The following TF variants were observed in gnomAD, a reference collection of about 807,000 sequenced individuals.
The protein encoded by TF is transferrin.
A neutral mutation model predicts 82.4 loss-of-function variants in TF; 55 were observed. The ratio of observed to expected loss-of-function variants is 0.67; its 90% confidence interval spans 0.54 to 0.84. The LOEUF is 0.84. Among genes scored for constraint, TF ranks in the 40% least tolerant of loss-of-function variants. The probability of loss-of-function intolerance (pLI) is 0.00; values close to 1 mark genes in which losing one functional copy is unlikely to be tolerated. For synonymous variants in TF, 332 were observed against 332.6 expected (o/e 1.00, Z 0.02); for missense variants, 737 against 868.4 (o/e 0.85, Z 1.90).
Position 133,766,376 on chromosome 3 carries a change from G to C in TF, c.1429G>C (p.Ala477Pro), listed in dbSNP as rs121918679. 2 of 1,614,224 alleles carry C rather than the reference G, an allele frequency of 1.2e-6. No homozygotes were observed. The change falls in exon 12 of 17, where the codon GCT becomes CCT. Residue 477 changes from alanine to proline, a missense_variant. By Grantham distance (27) the Ala-to-Pro change is conservative. Coordinates refer to ENST00000402696, the MANE Select transcript of TF (RefSeq NM_001063.4). The stretch of plus-strand genomic sequence containing the variant: ...CTGCCATACGGCAGTTGGCAGAACC[G>C]CTGGCTGGAACATCCCCATGGGCCT... ...KSCHTAVGRT[A>P]GWNIPMGLLY...
the TF span, among the ~76,000 whole-genome samples, chr3:133,726,551 C>G: frequency 2.6e-5 from 4 of 151,882 alleles, no homozygotes; most frequent in Admixed American, 6.6e-5. Flanking sequence ...TCTCTCTTTT[C>G]TTCTTTATTA....
At chr3:133,768,896 G>A (rs141433603) in intron 13 of TF, among the ~76,000 whole-genome samples, 12 of 147,578 alleles carry the variant, frequency 8.1e-5, no homozygotes, top group South Asian at 2.1e-4. Flanking sequence ...GAGCTCAAGC[G>A]ATCCTCCCAC....
intron 8 of TF, 137 bp from the exon 9 acceptor site, chr3:133,759,038 G>C (rs1202410037): frequency 6.0e-6 from 7 of 1,157,266 alleles, no homozygotes; most frequent in Non-Finnish European, 7.7e-6. Context: ...TTTCTAAGGT[G>C]ATTAATTCCT....
rs1335254709 is a variant in TF, at chr3:133,775,439, A to T, written c.1694A>T (p.Asn565Ile). The change falls in exon 15 of 17, where the codon AAC (asparagine) becomes ATC (isoleucine). Residue 565 changes from asparagine (N) to isoleucine (I), a missense_variant. Coordinates refer to ENST00000402696, the MANE Select transcript of TF (RefSeq NM_001063.4). ...QTVPQNTGGK[N>I]PDPWAKNLNE... ...ACCTTCTTCCTGTCCCTAGGAAAAA[A>T]CCCTGATCCATGGGCTAAGAATCTG... 1 of 1,614,066 alleles carries T rather than the reference A, an allele frequency of 6.2e-7. No individual in the cohort carries two copies.
the TF span, among the ~76,000 whole-genome samples, chr3:133,734,832 A>T: frequency 6.5e-3 from 995 of 152,280 alleles, 8 homozygotes; most frequent in African/African-American, 0.022. Flanking sequence ...GTTAAATACA[A>T]AATCACACCA....
At chr3:133,687,346 T>TA in the TF span, among the ~76,000 whole-genome samples, 7 of 149,490 alleles carry the variant, frequency 4.7e-5, no homozygotes, top group African/African-American at 7.3e-5. Flanking sequence ...AAGTATAATT[T>TA]AAAAAAAAAA....
the TF span, among the ~76,000 whole-genome samples, chr3:133,669,047 G>C: frequency 6.6e-6 from 1 of 151,882 alleles, no homozygotes; most frequent in Non-Finnish European, 1.5e-5. Flanking sequence ...GTTGTCCAGG[G>C]TGGAGTGCAA....
chr3:133,720,172 C>G, the TF span, among the ~76,000 whole-genome samples: 1 of 152,110 alleles, frequency 6.6e-6, no homozygotes, highest in African/African-American at 2.4e-5. Flanking sequence ...TCCTTGATCT[C>G]TTCCTGATCT....
At chr3:133,748,125 C>T (rs1355270121) in intron 1 of TF, 6 of 480,898 alleles carry the variant, frequency 1.2e-5, no homozygotes, top group Middle Eastern at 5.9e-4. Context: ...GGAGACAAGG[C>T]GGATACAGAG....
chr3:133,746,357 G>C (rs8177186), upstream of TF: 2 of 1,501,260 alleles, frequency 1.3e-6, no homozygotes, highest in African/African-American at 2.8e-5. Context: ...CCCAGGCCGG[G>C]AATGGAATAA....
the TF span, among the ~76,000 whole-genome samples, chr3:133,736,708 A>G: frequency 4.6e-5 from 7 of 151,998 alleles, no homozygotes; most frequent in African/African-American, 1.4e-4. Flanking sequence ...CAAAGATTAA[A>G]AAAAAGACAA....
chr3:133,711,676 C>T, the TF span, among the ~76,000 whole-genome samples: 9 of 152,292 alleles, frequency 5.9e-5, no homozygotes, highest in Non-Finnish European at 8.8e-5. Context: ...ACTCCACATC[C>T]GCTCTGGTTT....
the TF span, among the ~76,000 whole-genome samples, chr3:133,695,901 G>A: frequency 6.6e-6 from 1 of 152,202 alleles, no homozygotes; most frequent in African/African-American, 2.4e-5. Context: ...AGTGGATACA[G>A]CATTGACAAA....
At chr3:133,775,384 G>T in intron 14 of TF, 49 bp from the exon 15 acceptor site, 1 of 1,602,590 alleles carries the variant, frequency 6.2e-7, no homozygotes, top group East Asian at 2.2e-5. Context: ...TCCCCAGCGG[G>T]GCACCTTGAC....
At position 133,772,236 on chromosome 3, in the gene TF, T is replaced by C. The variant is rs114964067; in HGVS notation, c.1687+1664T>C. ...GCAGAAATATTGGGTTGACTAATTT[T>C]CCTTTCTTCCCTCGTATTATTGCTT... is the stretch of plus-strand genomic sequence containing the variant. On this transcript the variant is annotated intron_variant, in intron 14 of 16. Coordinates refer to ENST00000402696, the MANE Select transcript of TF (RefSeq NM_001063.4). Among the ~76,000 whole-genome samples the C allele has an allele frequency of 3.5e-3, 531 of 152,352 alleles. 5 individuals carry two copies. Among genetic ancestry groups the C allele is most frequent in the African/African-American group, 0.012 (480 of 41,574 alleles).
chr3:133,686,871 T>C, the TF span, among the ~76,000 whole-genome samples: 7 of 152,210 alleles, frequency 4.6e-5, no homozygotes, highest in African/African-American at 1.7e-4. Context: ...CTGTAAATCA[T>C]GCTGCTATAA....
rs1934493665 is a variant in TF, at chr3:133,780,505, A to G, written c.*1885A>G. 1 of 152,198 alleles carries G rather than the reference A, an allele frequency of 6.6e-6. No homozygotes were observed. The highest frequency in any genetic ancestry group is 1.5e-5 in the Non-Finnish European group (1 of 68,044). The allele number at this position is 152,198 out of a possible 1,614,324, so 9.4% of individuals were successfully genotyped here. On this transcript the variant is annotated 3_prime_UTR_variant, in exon 17 of 17. Coordinates refer to ENST00000402696, the MANE Select transcript of TF (RefSeq NM_001063.4). ...TTTATATACATGTAAACAAAAGCTA[A>G]TACATACCTAATGATGAAGAAACAG... is the stretch of plus-strand genomic sequence containing the variant.
At chr3:133,734,453 G>C in the TF span, among the ~76,000 whole-genome samples, 1 of 152,136 alleles carries the variant, frequency 6.6e-6, no homozygotes, top group African/African-American at 2.4e-5. Flanking sequence ...AGCTGGAAAT[G>C]CCTCCAATTG....
At chr3:133,666,836 A>C in the TF span, among the ~76,000 whole-genome samples, 1 of 152,112 alleles carries the variant, frequency 6.6e-6, no homozygotes, top group African/African-American at 2.4e-5. Context: ...GAAGATCGAG[A>C]CCATCCTGGC....
Sources: allele counts gnomAD v4.1 joint callset (sites outside exome capture counted in the v4.1 genomes callset), GRCh38; gene constraint gnomAD v4.1.1; transcripts MANE v1.5; gene names NCBI Gene and HGNC (gene_info 2026-07-23, HGNC 2026-07-21).